Variants in TUBGCP5 observed in about 807,000 individuals in gnomAD.
TUBGCP5 encodes tubulin gamma complex component 5.
TUBGCP5 carries 98 observed loss-of-function variants against 134.7 expected under a neutral mutation model. That is an observed-to-expected ratio of 0.73 (90% CI 0.62 to 0.86). The LOEUF (loss-of-function observed/expected upper bound fraction) is 0.86. Ranked by LOEUF, TUBGCP5 falls within the 40% of genes least tolerant of loss-of-function variation. The pLI is 0.00. For missense variants in TUBGCP5, 1,150 were observed against 1,244.8 expected, an observed-to-expected ratio of 0.92 and a Z score of 1.15; for synonymous variants, 456 against 431.4, an observed-to-expected ratio of 1.06 and a Z score of -0.71.
intron 23 of TUBGCP5, among the ~76,000 whole-genome samples, chr15:22,987,960 T>TGAAGA (rs1480292578): frequency 6.8e-6 from 1 of 146,996 alleles, no homozygotes; most frequent in Non-Finnish European, 1.5e-5. Flanking sequence ...TTCTGCCATG[T>TGAAGA]GAAGACACAG....
intron 23 of TUBGCP5, among the ~76,000 whole-genome samples, chr15:22,988,522 A>G (rs561155670): frequency 1.4e-4 from 21 of 151,526 alleles, no homozygotes; most frequent in African/African-American, 4.4e-4. Context: ...TCACGAGGTC[A>G]GGAGATCGAG....
intron 14 of TUBGCP5, among the ~76,000 whole-genome samples, chr15:23,010,932 G>A (rs1318045355): frequency 1.3e-5 from 2 of 150,522 alleles, no homozygotes; most frequent in African/African-American, 4.9e-5. Flanking sequence ...AGTCAGCCAA[G>A]ATCACACCAC....
chr15:23,036,511 C>T (rs1038503976), intron 3 of TUBGCP5, among the ~76,000 whole-genome samples: 5 of 150,874 alleles, frequency 3.3e-5, no homozygotes, highest in Non-Finnish European at 7.4e-5. Context: ...AATCATTATG[C>T]CAAAAGGTGG....
rs1231100527 is a variant in TUBGCP5, at chr15:23,039,514, C to A, written c.30G>T (p.Arg10=). 2.7e-6 allele frequency: 4 copies of A among 1,502,782 alleles called. No homozygotes were observed. The highest frequency in any genetic ancestry group is 1.3e-5 in the South Asian group (1 of 79,208). 93.1% of individuals were successfully genotyped at this position (1,502,782 alleles called of 1,614,324 possible). Residue 10 remains arginine (R), a synonymous_variant, in exon 1 of 23, where the codon CGG becomes CGT. Coordinates refer to ENST00000615383, the MANE Select transcript of TUBGCP5 (RefSeq NM_052903.6). ...CGTCGCGCTCCTGCTGCGCGTCCAA[C>A]CGACTCCACGGTGGCCCGTGCCGCG... MARHGPPWS[R]LDAQQERDVR...
chr15:23,024,463 C>G, intron 9 of TUBGCP5: 1 of 446,056 alleles, frequency 2.2e-6, no homozygotes, highest in Non-Finnish European at 3.9e-6. Context: ...CAGTATATAA[C>G]TTTCACAATA....
rs2065527914 is a variant in TUBGCP5 at position 23,019,336 on chromosome 15, T to C, written c.1372-2A>G. 5 of 1,608,070 alleles carry C rather than the reference T, an allele frequency of 3.1e-6. No individual in the cohort carries two copies. The highest frequency in any genetic ancestry group is 1.3e-5 in the African/African-American group (1 of 74,800). The stretch of plus-strand genomic sequence containing the variant: ...CCAGAGAGAGAAAAGGAGGGAGACC[T>C]GAGGCAGAGAGTGTGCACGGTCAGC... On this transcript the variant is annotated splice_acceptor_variant, in intron 11 of 22. Transcript: ENST00000615383. LOFTEE classifies it high-confidence loss of function.
chr15:23,021,724 A>G (rs2065709659), intron 11 of TUBGCP5, among the ~76,000 whole-genome samples: 1 of 152,184 alleles, frequency 6.6e-6, no homozygotes, highest in African/African-American at 2.4e-5. Flanking sequence ...ATCTATACAC[A>G]TCAGGTAGGT....
chr15:22,986,610 T>G (rs2063688790), intron 23 of TUBGCP5, among the ~76,000 whole-genome samples: 1 of 151,668 alleles, frequency 6.6e-6, no homozygotes. Flanking sequence ...TGGTGGTGGG[T>G]GCCTGTAATC....
Position 23,037,021 on chromosome 15 carries a change from A to C in TUBGCP5, c.201-16T>G. Reference sequence around the variant, plus strand: ...TTCATAAATTCTAAAATATAAGAAAAGATTATAAAGCTATCTTAAAAAGAT... The same window carrying C: ...TTCATAAATTCTAAAATATAAGAAACGATTATAAAGCTATCTTAAAAAGAT... On this transcript the variant is annotated splice_polypyrimidine_tract_variant and intron_variant, in intron 2 of 22. Transcript: ENST00000615383. 1.3e-6 allele frequency: 2 copies of C among 1,593,288 alleles called. No individual in the cohort carries two copies. The highest frequency in any genetic ancestry group is 8.6e-7 in the Non-Finnish European group (1 of 1,169,504).
chr15:23,022,014 G>A lies in TUBGCP5; in HGVS notation c.1316C>T (p.Thr439Ile). 1 of 1,614,154 alleles carries A rather than the reference G, an allele frequency of 6.2e-7. No individual in the cohort carries two copies. Among genetic ancestry groups the A allele is most frequent in the Middle Eastern group, 1.6e-4 (1 of 6,062 alleles). ...NVVRASHLLN[T>I]LYKAILEYDN... is the part of the protein sequence containing the mutation. ...ATATTCAAGAATGGCCTTGTACAGG[G>A]TGTTAAGCAGGTGAGAGGCCCGGAC... Residue 439 changes from threonine (T) to isoleucine (I), a missense_variant, in exon 11 of 23, where the codon ACC becomes ATC. Physicochemically the swap from Thr to Ile is moderately conservative, Grantham distance 89 (BLOSUM62 -1). This residue lies in a region of TUBGCP5 where 697 missense variants were observed against 850.1 expected (regional missense o/e 0.82). Coordinates refer to ENST00000615383, the MANE Select transcript of TUBGCP5 (RefSeq NM_052903.6).
At chr15:22,994,277 A>G (rs547229991), downstream of TUBGCP5, among the ~76,000 whole-genome samples, 2 of 151,940 alleles carry the variant, frequency 1.3e-5, no homozygotes, top group African/African-American at 4.8e-5. Context: ...TTTAGTAGAG[A>G]CGGGGTTTCA....
intron 9 of TUBGCP5, 195 bp from the exon 10 acceptor site, chr15:23,024,388 G>A (rs2065879115): frequency 1.8e-6 from 1 of 569,218 alleles, no homozygotes; most frequent in East Asian, 3.2e-5. Flanking sequence ...CAACAGACTA[G>A]AGAATTATGG....
At chr15:23,035,329 T>TTAAA (rs1555446188) in intron 3 of TUBGCP5, among the ~76,000 whole-genome samples, 2 of 134,618 alleles carry the variant, frequency 1.5e-5, no homozygotes, top group African/African-American at 5.6e-5. Context: ...CACTCAGTCT[T>TTAAA]AAAAAAAAAA....
chr15:23,034,633 C>G (rs982834195), intron 3 of TUBGCP5, among the ~76,000 whole-genome samples: 1 of 151,876 alleles, frequency 6.6e-6, no homozygotes, highest in Non-Finnish European at 1.5e-5. Flanking sequence ...CCAAGGTGGG[C>G]AGATCACTTG....
chr15:23,030,601 T>TAAA lies in TUBGCP5; in HGVS notation c.622+281_622+283dup, dbSNP rs10632423. 4.3e-4 allele frequency among the ~76,000 whole-genome samples: 52 copies of TAAA among 119,552 alleles called. 1 individual carries two copies. In the South Asian group the frequency reaches 8.8e-3, roughly 20 times the overall value. The allele number at this position is 119,552 out of a possible 152,430, so 78.4% of individuals were successfully genotyped here. A position where few individuals can be genotyped will look rare whatever the true frequency, so the allele number is the denominator to read the frequency against. On this transcript the variant is annotated intron_variant, in intron 6 of 22. Coordinates refer to ENST00000615383, the MANE Select transcript of TUBGCP5 (RefSeq NM_052903.6). ...TTAGCAAAATCAGTCCTTCTCCAAT[T>TAAA]AAAAAAAAAAAAAAAAAAGGAAACA...
chr15:22,995,541 A>G (rs1595796413), downstream of TUBGCP5, among the ~76,000 whole-genome samples: 2 of 148,748 alleles, frequency 1.3e-5, no homozygotes, highest in African/African-American at 2.5e-5. Context: ...CACCACTGCA[A>G]TCCAGCCTAG....
downstream of TUBGCP5, among the ~76,000 whole-genome samples, chr15:22,996,604 G>C (rs1012783524): frequency 5.9e-5 from 9 of 152,120 alleles, no homozygotes; most frequent in Non-Finnish European, 5.9e-5. Flanking sequence ...TCATGCCTCA[G>C]CCTTCCCAGA....
rs1366133058 is a variant in TUBGCP5, at chr15:23,003,635, T to A, written c.2838+467A>T. Among the ~76,000 whole-genome samples, 15 of 57,494 alleles carry A rather than the reference T, an allele frequency of 2.6e-4. No individual in the cohort carries two copies. In the South Asian group the frequency reaches 7.4e-3, roughly 28 times the overall value. 37.7% of individuals were successfully genotyped at this position (57,494 alleles called of 152,430 possible). A position where few individuals can be genotyped will look rare whatever the true frequency, so the allele number is the denominator to read the frequency against. On this transcript the variant is annotated intron_variant, in intron 20 of 22. Coordinates refer to ENST00000615383, the MANE Select transcript of TUBGCP5 (RefSeq NM_052903.6). ...CGAATAGGGCACTCCTCCTTCTGTT[T>A]TTTTTTTTTTTTTTTTTTTTTTTTT...
At chr15:22,994,332 C>G (rs982931975), downstream of TUBGCP5, among the ~76,000 whole-genome samples, 1 of 152,032 alleles carries the variant, frequency 6.6e-6, no homozygotes, top group Non-Finnish European at 1.5e-5. Context: ...TCCAATAATC[C>G]GCCTGCCTTG....
Sources: gnomAD v4.1 joint callset for allele counts (sites outside exome capture counted in the v4.1 genomes callset) on GRCh38, gnomAD v4.1.1 for gene constraint, gnomAD v4.1.1 regional missense constraint, MANE v1.5 for transcripts, NCBI Gene and HGNC (gene_info 2026-07-23, HGNC 2026-07-21) for gene names.